KIF18A: variants seen among roughly 807,000 people sequenced by gnomAD.
KIF18A encodes the protein kinesin family member 18A.
KIF18A carries 67 observed loss-of-function variants against 103.3 expected under a neutral mutation model. The observed-to-expected ratio is 0.65, with a 90% CI of 0.53 to 0.79. KIF18A has a LOEUF of 0.79. KIF18A is among the 30% of genes least tolerant of loss of function. The pLI is 0.00. For synonymous variants in KIF18A, 367 were observed against 355.5 expected, an observed-to-expected ratio of 1.03 and a Z score of -0.36; for missense variants, 1,032 against 1,062.5, an observed-to-expected ratio of 0.97 and a Z score of 0.40.
rs1160144480 is a variant in KIF18A at position 28,036,246 on chromosome 11, T to C, written c.2367A>G (p.Leu789=). The change falls in exon 14 of 17, where the codon CTA becomes CTG. Residue 789 remains leucine, a synonymous_variant. Coordinates refer to ENST00000263181, the MANE Select transcript of KIF18A (RefSeq NM_031217.4). ...GTAAAATGTCTTTGTTATCATTTGG[T>C]AGTGATTCTTGTTCGGGTAATTTAC... ...SKCKLPEQES[L]PNDNKDILQR... is the part of the protein sequence containing the mutation. 2.5e-6 allele frequency: 4 copies of C among 1,601,882 alleles called. No individual in the cohort carries two copies. Among genetic ancestry groups the C allele is most frequent in the South Asian group, 1.1e-5 (1 of 89,428 alleles).
intron 13 of KIF18A, among the ~76,000 whole-genome samples, chr11:28,040,236 G>A (rs1198276614): frequency 6.6e-6 from 1 of 151,688 alleles, no homozygotes; most frequent in African/African-American, 2.4e-5. Flanking sequence ...AGTGGAGAGT[G>A]TTGAGTTGGG....
At chr11:28,095,442 T>C (rs1851355792) in intron 2 of KIF18A, among the ~76,000 whole-genome samples, 1 of 152,216 alleles carries the variant, frequency 6.6e-6, no homozygotes, top group Non-Finnish European at 1.5e-5. Flanking sequence ...ACATCCACTC[T>C]TTCACTTCAG....
chr11:28,055,497 C>G (rs1403704300), intron 13 of KIF18A, among the ~76,000 whole-genome samples: 1 of 152,078 alleles, frequency 6.6e-6, no homozygotes, highest in Admixed American at 6.6e-5. Context: ...GTGCTAAGAG[C>G]TTTGGGGGAA....
chr11:28,036,114 T>C, intron 14 of KIF18A, 103 bp downstream of exon 14: 1 of 677,074 alleles, frequency 1.5e-6, no homozygotes, highest in Non-Finnish European at 2.4e-6. Flanking sequence ...AAACAGACTG[T>C]TTTATAATCA....
At chr11:28,069,205 T>G in intron 11 of KIF18A, 54 bp downstream of exon 11, 2 of 1,376,262 alleles carry the variant, frequency 1.5e-6, no homozygotes, top group Non-Finnish European at 2.1e-6. Flanking sequence ...AAAGAACACA[T>G]TTTAGGAGCT....
At chr11:28,066,806 ATAT>A (rs1460586227) in intron 11 of KIF18A, among the ~76,000 whole-genome samples, 1 of 147,306 alleles carries the variant, frequency 6.8e-6, no homozygotes, top group African/African-American at 2.5e-5. Flanking sequence ...ATATTATATT[ATAT>A]TATATTATAT....
chr11:28,046,799 C>T (rs1214800727), intron 13 of KIF18A, among the ~76,000 whole-genome samples: 1 of 147,768 alleles, frequency 6.8e-6, no homozygotes, highest in Non-Finnish European at 1.5e-5. Context: ...TGCCTGTAAT[C>T]CCAGCACTTT....
chr11:28,026,364 T>C (rs1182872274), intron 15 of KIF18A, among the ~76,000 whole-genome samples: 2 of 151,652 alleles, frequency 1.3e-5, no homozygotes, highest in Non-Finnish European at 3.0e-5. Context: ...AAATGGAAAA[T>C]ACCACAGTTT....
intron 15 of KIF18A, among the ~76,000 whole-genome samples, chr11:28,024,919 A>G (rs1590657514): frequency 6.6e-6 from 1 of 152,202 alleles, no homozygotes; most frequent in East Asian, 1.9e-4. Context: ...AACCGAGGAT[A>G]GTATCAAACC....
chr11:28,084,732 T>A lies in KIF18A; in HGVS notation c.974A>T (p.Gln325Leu). ...LLKDSLGGNC[Q>L]TIMIAAVSPS... is the part of the protein sequence containing the mutation. ...ACTAACAGCAGCTATCATTATAGTT[T>A]GACAGTTTCCTCCAAGAGAATCCTT... is the stretch of plus-strand genomic sequence containing the variant. The change falls in exon 7 of 17, where the codon CAA becomes CTA. Residue 325 changes from glutamine (Q) to leucine (L), a missense_variant. Gln to Leu is a moderately radical substitution (Grantham distance 113, BLOSUM62 -2). Transcript: ENST00000263181. The A allele has an allele frequency of 6.2e-7, 1 of 1,612,284 alleles. No homozygotes were observed. The highest frequency in any genetic ancestry group is 8.5e-7 in the Non-Finnish European group (1 of 1,178,336).
At chr11:28,031,801 C>G (rs1850413735) in intron 15 of KIF18A, among the ~76,000 whole-genome samples, 1 of 151,904 alleles carries the variant, frequency 6.6e-6, no homozygotes, top group South Asian at 2.1e-4. Context: ...AAATTCTTTT[C>G]TCTAAGTTGT....
At chr11:28,073,605 A>G (rs1370188219) in intron 10 of KIF18A, among the ~76,000 whole-genome samples, 1 of 152,128 alleles carries the variant, frequency 6.6e-6, no homozygotes, top group Non-Finnish European at 1.5e-5. Context: ...ATAATATTAG[A>G]TCTATCTCAT....
intron 6 of KIF18A, among the ~76,000 whole-genome samples, chr11:28,085,508 A>AT (rs1256018424): frequency 6.6e-6 from 1 of 152,156 alleles, no homozygotes; most frequent in Non-Finnish European, 1.5e-5. Context: ...GATCTTTCTT[A>AT]TAAGTGCACA....
intron 13 of KIF18A, among the ~76,000 whole-genome samples, chr11:28,043,185 T>A (rs945359147): frequency 2.0e-5 from 3 of 151,824 alleles, no homozygotes; most frequent in African/African-American, 7.3e-5. Flanking sequence ...AAAAAAAATA[T>A]TAAAAAGTAC....
intron 1 of KIF18A, among the ~76,000 whole-genome samples, chr11:28,101,920 T>TG (rs1261563166): frequency 6.6e-6 from 1 of 152,170 alleles, no homozygotes; most frequent in African/African-American, 2.4e-5. Flanking sequence ...TCACGCCCTA[T>TG]AAATCATGGA....
At chr11:28,082,664 G>A (rs146004264) in intron 9 of KIF18A, among the ~76,000 whole-genome samples, 192 bp downstream of exon 9, 1 of 152,086 alleles carries the variant, frequency 6.6e-6, no homozygotes, top group Non-Finnish European at 1.5e-5. Flanking sequence ...CAGTGGTCTG[G>A]AGAACTAAAT....
intron 1 of KIF18A, among the ~76,000 whole-genome samples, chr11:28,099,710 A>G (rs1293288351): frequency 6.6e-6 from 1 of 152,142 alleles, no homozygotes; most frequent in Non-Finnish European, 1.5e-5. Context: ...GCTTTTCCCC[A>G]TAGAGAGAAG....
At position 28,091,524 on chromosome 11, in the gene KIF18A, A is replaced by G; in HGVS notation, c.484-11T>C. ...CTGTTCATTATATACCTTAAAATAA[A>G]AAGAACTGCTTTAGCATTGATGTAA... On this transcript the variant is annotated splice_polypyrimidine_tract_variant and intron_variant, in intron 3 of 16. Transcript: ENST00000263181. 6.9e-7 allele frequency: 1 copy of G among 1,450,424 alleles called. No individual in the cohort carries two copies. The highest frequency in any genetic ancestry group is 9.6e-7 in the Non-Finnish European group (1 of 1,038,946). 89.8% of individuals were successfully genotyped at this position (1,450,424 alleles called of 1,614,324 possible). A position where few individuals can be genotyped will look rare whatever the true frequency, so the allele number is the denominator to read the frequency against.
At chr11:28,066,238 G>GA (rs1255695734) in intron 11 of KIF18A, among the ~76,000 whole-genome samples, 1 of 152,102 alleles carries the variant, frequency 6.6e-6, no homozygotes, top group African/African-American at 2.4e-5. Context: ...GAAATAAACT[G>GA]AAAAGTACTG....
Sources: gnomAD v4.1 joint callset for allele counts (sites outside exome capture counted in the v4.1 genomes callset) on GRCh38, gnomAD v4.1.1 for gene constraint, MANE v1.5 for transcripts, NCBI Gene and HGNC (gene_info 2026-07-23, HGNC 2026-07-21) for gene names.